The following MYH9 variants were observed in gnomAD, a reference collection of about 807,000 sequenced individuals.
MYH9 encodes the protein myosin-9.
MYH9 carries 29 observed loss-of-function variants against 241.9 expected under a neutral mutation model. The ratio of observed to expected loss-of-function variants is 0.12; its 90% CI spans 0.09 to 0.16. The LOEUF is 0.16. Among genes scored for constraint, MYH9 ranks in the 10% least tolerant of loss-of-function variants. MYH9 has a pLI of 1.00. For synonymous variants in MYH9, 1,047 were observed against 1,062.6 expected (o/e 0.99, Z 0.29); for missense variants, 1,803 against 2,595.5 (o/e 0.69, Z 6.63).
chr22:36,328,333 T>C (rs1186699401), intron 3 of MYH9, among the ~76,000 whole-genome samples: 2 of 152,232 alleles, frequency 1.3e-5, no homozygotes, highest in Non-Finnish European at 2.9e-5. Context: ...AAAGCTAAGT[T>C]TGCCAGAAAC....
chr22:36,286,168 G>C (rs1313557388), intron 35 of MYH9: 2 of 620,352 alleles, frequency 3.2e-6, no homozygotes, highest in African/African-American at 3.7e-5. Context: ...TAAGTGCTAG[G>C]AATCAAGCCA....
Position 36,300,047 on chromosome 22 carries a change from G to A in MYH9, c.2976+80C>T. On this transcript the variant is annotated intron_variant, in intron 23 of 40. Coordinates refer to ENST00000216181, the MANE Select transcript of MYH9 (RefSeq NM_002473.6). The surrounding 1 kb of genome is among the most constrained non-coding windows in gnomAD (Gnocchi z 5.0). ...AGACAGGAAGCAGCAGCAGCGGGGAGCCAGGCCCTGCAAGGGTGACCACAC... is the reference window on the plus strand; with the variant it reads ...AGACAGGAAGCAGCAGCAGCGGGGAACCAGGCCCTGCAAGGGTGACCACAC... 3 of 1,580,388 alleles carry A rather than the reference G, an allele frequency of 1.9e-6. No homozygotes were observed. Among genetic ancestry groups the A allele is most frequent in the Admixed American group, 1.7e-5 (1 of 59,964 alleles).
intron 34 of MYH9, among the ~76,000 whole-genome samples, chr22:36,287,753 C>CA (rs1488310307): frequency 6.6e-6 from 1 of 151,648 alleles, no homozygotes; most frequent in East Asian, 1.9e-4. Context: ...AACAAACAAA[C>CA]AAAAAAAAAT....
At chr22:36,338,091 A>C (rs1157909506) in intron 3 of MYH9, among the ~76,000 whole-genome samples, 1 of 151,662 alleles carries the variant, frequency 6.6e-6, no homozygotes, top group Admixed American at 6.6e-5. Flanking sequence ...TCCGCCGCCC[A>C]GGTTCAAGCA....
intron 5 of MYH9, among the ~76,000 whole-genome samples, chr22:36,323,632 G>A (rs1468766391): frequency 6.6e-6 from 1 of 152,108 alleles, no homozygotes; most frequent in Admixed American, 6.6e-5. Flanking sequence ...TGCCACAGAC[G>A]AGACCCATCT....
intron 1 of MYH9, among the ~76,000 whole-genome samples, chr22:36,363,348 T>C (rs531705710): frequency 2.0e-5 from 3 of 152,266 alleles, no homozygotes; most frequent in Admixed American, 1.3e-4. Context: ...AGAGAGAGCA[T>C]CAATGCTTGT....
intron 15 of MYH9, among the ~76,000 whole-genome samples, 160 bp downstream of exon 15, chr22:36,309,122 A>G (rs2017019269): frequency 6.6e-6 from 1 of 152,190 alleles, no homozygotes; most frequent in African/African-American, 2.4e-5. Flanking sequence ...TTTCGGTCCG[A>G]GGAGCCCTCT....
intron 18 of MYH9, 61 bp downstream of exon 18, chr22:36,304,972 T>G: frequency 6.5e-7 from 1 of 1,540,838 alleles, no homozygotes; most frequent in Admixed American, 1.7e-5. Context: ...CCTGGCCACG[T>G]GGGCACTCCC....
chr22:36,362,485 C>T (rs1274184094), intron 1 of MYH9, among the ~76,000 whole-genome samples: 1 of 152,122 alleles, frequency 6.6e-6, no homozygotes, highest in East Asian at 1.9e-4. Context: ...AGAGACATGG[C>T]TTTAGATCCT....
At chr22:36,383,960 G>GAA (rs113872567) in intron 1 of MYH9, among the ~76,000 whole-genome samples, 5 of 115,102 alleles carry the variant, frequency 4.3e-5, no homozygotes, top group South Asian at 2.9e-4. Context: ...ACCCTGTCTC[G>GAA]AAAAAAAAAA....
At chr22:36,321,455 A>G (rs1031352638) in intron 7 of MYH9, among the ~76,000 whole-genome samples, 7 of 152,230 alleles carry the variant, frequency 4.6e-5, no homozygotes, top group Non-Finnish European at 8.8e-5. Context: ...AGCAAAGGCT[A>G]AACGGTGGCA....
At chr22:36,368,338 C>T (rs1022688931) in intron 1 of MYH9, among the ~76,000 whole-genome samples, 2 of 152,210 alleles carry the variant, frequency 1.3e-5, no homozygotes, top group Non-Finnish European at 2.9e-5. Context: ...AGAAGGCTTA[C>T]TTGCTGAAGG....
intron 23 of MYH9, among the ~76,000 whole-genome samples, chr22:36,299,519 A>G (rs2016841169): frequency 6.6e-6 from 1 of 152,006 alleles, no homozygotes; most frequent in African/African-American, 2.4e-5. Flanking sequence ...ACCCCTGCCC[A>G]GCGGCCACAG....
At chr22:36,298,768 G>A in intron 24 of MYH9, 151 bp downstream of exon 24, 1 of 1,207,904 alleles carries the variant, frequency 8.3e-7, no homozygotes, top group Non-Finnish European at 1.2e-6. Context: ...GTGACCTCAG[G>A]TCTAAAGGGC....
At chr22:36,301,232 T>A (rs1288596300) in intron 21 of MYH9, among the ~76,000 whole-genome samples, 175 bp from the exon 22 acceptor site, 1 of 152,090 alleles carries the variant, frequency 6.6e-6, no homozygotes, top group Non-Finnish European at 1.5e-5. Flanking sequence ...GTGTCCTTGA[T>A]TTTTCACTAC....
At chr22:36,345,229 G>A (rs967087708) in intron 2 of MYH9, among the ~76,000 whole-genome samples, 7 of 151,286 alleles carry the variant, frequency 4.6e-5, no homozygotes, top group Non-Finnish European at 8.8e-5. Flanking sequence ...GGAGAATGGC[G>A]TGAACCCGGG....
At chr22:36,283,756 C>T (rs2016532196) in intron 40 of MYH9, among the ~76,000 whole-genome samples, 1 of 152,160 alleles carries the variant, frequency 6.6e-6, no homozygotes, top group Non-Finnish European at 1.5e-5. Context: ...GCGTTTTTAA[C>T]CTCTGTAGGC....
chr22:36,306,270 G>A lies in MYH9; in HGVS notation c.2037+144C>T. ...TGAATGTAGCGTATCTCCTAAGCGA[G>A]CCAAGGCCCACCCTGCAGAGAAACG... On this transcript the variant is annotated intron_variant, in intron 16 of 40. Coordinates refer to ENST00000216181, the MANE Select transcript of MYH9 (RefSeq NM_002473.6). This position sits in a 1 kb window ranked among gnomAD's most constrained non-coding sequence, Gnocchi z 4.1. 7.7e-7 allele frequency: 1 copy of A among 1,292,794 alleles called. No homozygotes were observed. The highest frequency in any genetic ancestry group is 1.1e-6 in the Non-Finnish European group (1 of 922,788). The allele number at this position is 1,292,794 out of a possible 1,614,324, so 80.1% of individuals were successfully genotyped here.
rs199878273 is a variant in MYH9, at chr22:36,300,307, G to T, written c.2839-43C>A. 6 of 1,608,784 alleles carry T rather than the reference G, an allele frequency of 3.7e-6. No individual in the cohort carries two copies. The East Asian group carries it at 1.1e-4, about 30-fold the overall frequency. On this transcript the variant is annotated intron_variant, in intron 22 of 40. Coordinates refer to ENST00000216181, the MANE Select transcript of MYH9 (RefSeq NM_002473.6). This position sits in a 1 kb window ranked among gnomAD's most constrained non-coding sequence, Gnocchi z 5.0. ...CACGGTAAGGACAGCAGGCCCAGAG[G>T]CATGGCCAAGGTGAAGGCAGCAAGG...
Sources: gnomAD v4.1 joint callset for allele counts (sites outside exome capture counted in the v4.1 genomes callset) on GRCh38, gnomAD v4.1.1 for gene constraint, Gnocchi (gnomAD v3.1) non-coding constraint, MANE v1.5 for transcripts, NCBI Gene and HGNC (gene_info 2026-07-23, HGNC 2026-07-21) for gene names.